GATD1: variants seen among roughly 807,000 people sequenced by gnomAD.
GATD1 encodes glutamine amidotransferase-like class 1 domain-containing protein 1.
Under a neutral mutation model 25.9 loss-of-function variants are expected in GATD1, and 23 were observed. The ratio of observed to expected loss-of-function variants is 0.89; its 90% CI spans 0.64 to 1.26. The LOEUF (loss-of-function observed/expected upper bound fraction) is 1.26. Among genes scored for constraint, GATD1 ranks in the 50% most tolerant of loss-of-function variants. The pLI is 0.00. For synonymous variants in GATD1, 177 were observed against 134.6 expected, an observed-to-expected ratio of 1.31 and a Z score of -2.18; for missense variants, 347 against 312.5, an observed-to-expected ratio of 1.11 and a Z score of -0.83.
At chr11:775,553 G>A (rs1863872550) in intron 1 of GATD1, among the ~76,000 whole-genome samples, 1 of 152,208 alleles carries the variant, frequency 6.6e-6, no homozygotes, top group South Asian at 2.1e-4. Context: ...AGACCTTTCT[G>A]AAAGGCAAAC....
intron 5 of GATD1, 89 bp from the exon 6 acceptor site, chr11:771,515 C>T (rs1184447418): frequency 1.4e-6 from 2 of 1,442,860 alleles, no homozygotes; most frequent in Admixed American, 2.9e-5. Flanking sequence ...GGCAGGGAGC[C>T]TCACCCAACC....
chr11:774,681 T>C (rs1333006019), intron 2 of GATD1, among the ~76,000 whole-genome samples: 1 of 152,080 alleles, frequency 6.6e-6, no homozygotes, highest in Non-Finnish European at 1.5e-5. Flanking sequence ...AAATACAAAA[T>C]GAGCTGGGCG....
chr11:772,326 G>A (rs1863528746), intron 5 of GATD1, 101 bp downstream of exon 5: 5 of 788,292 alleles, frequency 6.3e-6, no homozygotes, highest in South Asian at 1.4e-5. Context: ...AGCGTGCCTC[G>A]GCCTCCAGGC....
chr11:773,886 A>C lies in GATD1; in HGVS notation c.247+122T>G, dbSNP rs1863696231. On this transcript the variant is annotated intron_variant, in intron 3 of 7. Coordinates refer to ENST00000319863, the MANE Select transcript of GATD1 (RefSeq NM_182612.4). Reference sequence around the variant, plus strand: ...AGGATGTGGGGCTGGAGGCTGCCCCAAATGGTCACAGGGCTTCAGGGGCTG... The same window carrying C: ...AGGATGTGGGGCTGGAGGCTGCCCCCAATGGTCACAGGGCTTCAGGGGCTG... 4.2e-5 allele frequency: 37 copies of C among 870,658 alleles called. No individual in the cohort carries two copies. The East Asian group carries it at 9.5e-4, about 22-fold the overall frequency. The allele number at this position is 870,658 out of a possible 1,614,324, so 53.9% of individuals were successfully genotyped here.
At chr11:771,601 A>T in intron 5 of GATD1, 175 bp from the exon 6 acceptor site, 2 of 1,386,018 alleles carry the variant, frequency 1.4e-6, no homozygotes, top group South Asian at 3.4e-5. Flanking sequence ...GACAAAGTCT[A>T]GCCATCTTCC....
rs535808152 is a variant in GATD1 at position 777,334 on chromosome 11, C to G, written c.64+65G>C. ...GACGCGCGCCCACCGTGTCCCGAACCTCCCGCCCCGGGCAGCCCCCTCGCG... is the reference window on the plus strand; with the variant it reads ...GACGCGCGCCCACCGTGTCCCGAACGTCCCGCCCCGGGCAGCCCCCTCGCG... On this transcript the variant is annotated intron_variant, in intron 1 of 7. Coordinates refer to ENST00000319863, the MANE Select transcript of GATD1 (RefSeq NM_182612.4). The G allele has an allele frequency of 3.3e-6, 4 of 1,195,454 alleles. No individual in the cohort carries two copies. In the East Asian group the frequency reaches 1.4e-4, roughly 43 times the overall value. 74.1% of individuals were successfully genotyped at this position (1,195,454 alleles called of 1,614,324 possible).
rs889758346 is a variant in GATD1 at position 767,807 on chromosome 11, G to A, written c.*3090C>T. ...TCTTGGGCTTCCAGCCTCCAAAACTGAAACTGATTTCTGTTGTTTATAAGC... is the reference window on the plus strand; with the variant it reads ...TCTTGGGCTTCCAGCCTCCAAAACTAAAACTGATTTCTGTTGTTTATAAGC... On this transcript the variant is annotated 3_prime_UTR_variant, in exon 8 of 8. Coordinates refer to ENST00000319863, the MANE Select transcript of GATD1 (RefSeq NM_182612.4). 1.7e-5 allele frequency: 3 copies of A among 181,108 alleles called. No homozygotes were observed. Among genetic ancestry groups the A allele is most frequent in the African/African-American group, 7.1e-5 (3 of 41,976 alleles). 11.2% of individuals were successfully genotyped at this position (181,108 alleles called of 1,614,324 possible).
rs745944381 is a variant in GATD1 at position 767,360 on chromosome 11, C to T, written c.*3537G>A. Reference sequence around the variant, plus strand: ...CCTCCTCTGCCCCAGCCTGGTGCTGCCCCAAGCCCTGCCCTGGCAAAGAGA... The same window carrying T: ...CCTCCTCTGCCCCAGCCTGGTGCTGTCCCAAGCCCTGCCCTGGCAAAGAGA... On this transcript the variant is annotated 3_prime_UTR_variant, in exon 8 of 8. Transcript: ENST00000319863. 6.5e-6 allele frequency: 10 copies of T among 1,536,168 alleles called. 1 individual carries two copies. The South Asian group carries it at 1.2e-4, about 18-fold the overall frequency.
chr11:776,945 G>A (rs549174463), intron 1 of GATD1: 1 of 153,198 alleles, frequency 6.5e-6, no homozygotes, highest in East Asian at 1.9e-4. Flanking sequence ...CGGTGGCTCA[G>A]AAGGTCAGGG....
chr11:771,936 A>C (rs2133619302), intron 5 of GATD1, among the ~76,000 whole-genome samples: 1 of 152,216 alleles, frequency 6.6e-6, no homozygotes, highest in Non-Finnish European at 1.5e-5. Context: ...CAGCCTCCGC[A>C]CAGCAGCCAC....
rs1316493080 is a variant in GATD1, at chr11:768,345, T to A, written c.*2552A>T. On this transcript the variant is annotated 3_prime_UTR_variant, in exon 8 of 8. Transcript: ENST00000319863. ...CTAGCTGGGCGTAGTGGCATGCACC[T>A]GTAGTCCCAGTTACTCGGGAGGCTG... 6.6e-6 allele frequency: 1 copy of A among 152,014 alleles called. No individual in the cohort carries two copies. The highest frequency in any genetic ancestry group is 1.5e-5 in the Non-Finnish European group (1 of 68,064). 9.4% of individuals were successfully genotyped at this position (152,014 alleles called of 1,614,324 possible).
intron 6 of GATD1, 73 bp from the exon 7 acceptor site, chr11:771,177 G>T: frequency 6.5e-7 from 1 of 1,545,086 alleles, no homozygotes. Context: ...CTCCAGGCGG[G>T]CTCCCAGGGT....
In GATD1 at chr11:769,233, G is replaced by A; in HGVS notation, c.*1664C>T. ...CATCCTGACTAATCTGCGAGGCACT[G>A]GAGGGACGCAGCCTTCAGGGCGGGG... On this transcript the variant is annotated 3_prime_UTR_variant, in exon 8 of 8. Coordinates refer to ENST00000319863, the MANE Select transcript of GATD1 (RefSeq NM_182612.4). 1 of 985,492 alleles carries A rather than the reference G, an allele frequency of 1.0e-6. No homozygotes were observed. The highest frequency in any genetic ancestry group is 1.2e-6 in the Non-Finnish European group (1 of 829,942). The allele number at this position is 985,492 out of a possible 1,614,324, so 61.0% of individuals were successfully genotyped here.
intron 1 of GATD1, among the ~76,000 whole-genome samples, chr11:775,640 G>C (rs532806912): frequency 1.6e-3 from 243 of 152,338 alleles, no homozygotes; most frequent in African/African-American, 5.6e-3. Context: ...GCACCATGGA[G>C]AACGCAGAAG....
chr11:770,337 G>A lies in GATD1; in HGVS notation c.*560C>T. Reference sequence around the variant, plus strand: ...ACACTTTGAAACCACACGCCAGGAAGATTTCTTCAACAGGAAAGTGCTGCC... The same window carrying A: ...ACACTTTGAAACCACACGCCAGGAAAATTTCTTCAACAGGAAAGTGCTGCC... On this transcript the variant is annotated 3_prime_UTR_variant, in exon 8 of 8. Transcript: ENST00000319863. 6.5e-7 allele frequency: 1 copy of A among 1,534,724 alleles called. No individual in the cohort carries two copies. The highest frequency in any genetic ancestry group is 8.7e-7 in the Non-Finnish European group (1 of 1,146,198).
chr11:777,430 GGC>G lies in GATD1; in HGVS notation c.31_32del (p.Ala11LeufsTer47), dbSNP rs1864122581. Reference protein sequence around the residue: MASERLPNRPACLLVASGAAE... With the variant: MASERLPNRPXCLLVASGAAE... The stretch of plus-strand genomic sequence containing the variant: ...CGGCGCCGCTGGCCACGAGCAGACA[GGC>G]GGGCCTGTTAGGGAGCCGCTCGGAC... On this transcript the variant is annotated frameshift_variant, in exon 1 of 8. Coordinates refer to ENST00000319863, the MANE Select transcript of GATD1 (RefSeq NM_182612.4). LOFTEE classifies it high-confidence loss of function. 1.6e-6 allele frequency: 2 copies of G among 1,277,154 alleles called. No homozygotes were observed. The highest frequency in any genetic ancestry group is 8.0e-5 in the Admixed American group (2 of 25,136). The allele number at this position is 1,277,154 out of a possible 1,614,324, so 79.1% of individuals were successfully genotyped here. A position where few individuals can be genotyped will look rare whatever the true frequency, so the allele number is the denominator to read the frequency against.
Position 767,623 on chromosome 11 carries a change from T to C in GATD1, c.*3274A>G. 2 of 1,345,316 alleles carry C rather than the reference T, an allele frequency of 1.5e-6. No homozygotes were observed. Among genetic ancestry groups the C allele is most frequent in the African/African-American group, 1.5e-5 (1 of 68,254 alleles). 83.3% of individuals were successfully genotyped at this position (1,345,316 alleles called of 1,614,324 possible). On this transcript the variant is annotated 3_prime_UTR_variant, in exon 8 of 8. Coordinates refer to ENST00000319863, the MANE Select transcript of GATD1 (RefSeq NM_182612.4). ...GCTCTTCATGCACCCTGCTGTGGCC[T>C]GAGCACGTCCCCCCAAAACCCACCT...
chr11:777,120 C>G (rs1864069423), intron 1 of GATD1: 1 of 270,428 alleles, frequency 3.7e-6, no homozygotes, highest in African/African-American at 2.2e-5. Flanking sequence ...GCAGACGAGA[C>G]TCGGAGGAGC....
rs972396859 is a variant in GATD1 at position 769,056 on chromosome 11, G to C, written c.*1841C>G. The C allele has an allele frequency of 1.2e-6, 1 of 827,828 alleles. No homozygotes were observed. Among genetic ancestry groups the C allele is most frequent in the Non-Finnish European group, 1.5e-6 (1 of 686,280 alleles). The allele number at this position is 827,828 out of a possible 1,614,324, so 51.3% of individuals were successfully genotyped here. A position where few individuals can be genotyped will look rare whatever the true frequency, so the allele number is the denominator to read the frequency against. On this transcript the variant is annotated 3_prime_UTR_variant, in exon 8 of 8. Coordinates refer to ENST00000319863, the MANE Select transcript of GATD1 (RefSeq NM_182612.4). Reference sequence around the variant, plus strand: ...ACAGAGGTTGCAGTGAGCCAAGATTGTGCCACTGCACTCCAGCCTGGGTGA... The same window carrying C: ...ACAGAGGTTGCAGTGAGCCAAGATTCTGCCACTGCACTCCAGCCTGGGTGA...
Sources: allele counts gnomAD v4.1 joint callset (sites outside exome capture counted in the v4.1 genomes callset), GRCh38; gene constraint gnomAD v4.1.1; transcripts MANE v1.5; gene names NCBI Gene and HGNC (gene_info 2026-07-23, HGNC 2026-07-21).